Variants in CTNNA2 observed in about 807,000 individuals in gnomAD.
CTNNA2 encodes catenin alpha-2.
Under a neutral mutation model 101.0 loss-of-function variants are expected in CTNNA2, and 42 were observed. That is an observed-to-expected ratio of 0.42 (90% CI 0.32 to 0.54). CTNNA2 has a LOEUF of 0.54. CTNNA2 is among the 20% of genes least tolerant of loss of function. The pLI is 0.14. For missense variants in CTNNA2, 871 were observed against 1,223.1 expected (o/e 0.71, Z 4.29); for synonymous variants, 450 against 456.4 (o/e 0.99, Z 0.18).
chr2:79,840,956 A>G, intron 3 of CTNNA2, among the ~76,000 whole-genome samples: 1 of 152,066 alleles, frequency 6.6e-6, no homozygotes, highest in East Asian at 1.9e-4. Context: ...TTTTTAGTAG[A>G]GACGGGGTTT....
intron 7 of CTNNA2, among the ~76,000 whole-genome samples, chr2:80,341,953 C>G (rs562608873): frequency 6.6e-6 from 1 of 152,290 alleles, no homozygotes; most frequent in African/African-American, 2.4e-5. Flanking sequence ...AGTAGTAATG[C>G]ATGCTACAAC....
intron 9 of CTNNA2, among the ~76,000 whole-genome samples, chr2:80,432,120 C>A (rs1681591141): frequency 6.6e-6 from 1 of 152,012 alleles, no homozygotes. Context: ...CACACTCAAT[C>A]TTTAAATTCT....
rs534383258 is a variant in CTNNA2 at position 80,223,262 on chromosome 2, G to C, written c.1057-169949G>C. Among the ~76,000 whole-genome samples the C allele has an allele frequency of 7.9e-5, 12 of 152,248 alleles. No individual in the cohort carries two copies. The East Asian group carries it at 2.3e-3, about 29-fold the overall frequency. On this transcript the variant is annotated intron_variant, in intron 7 of 18. Transcript: ENST00000402739. Reference sequence around the variant, plus strand: ...AATACTTGTTTTCCAGGAGGCTTTTGGTCAATAAAGCGATAAACGAAAACA... The same window carrying C: ...AATACTTGTTTTCCAGGAGGCTTTTCGTCAATAAAGCGATAAACGAAAACA...
intron 7 of CTNNA2, among the ~76,000 whole-genome samples, chr2:80,097,177 C>G (rs1028228605): frequency 3.3e-5 from 5 of 152,262 alleles, no homozygotes; most frequent in Middle Eastern, 3.4e-3. Flanking sequence ...GTGCTTCCTT[C>G]ATGAGCTCTT....
intron 1 of CTNNA2, among the ~76,000 whole-genome samples, chr2:79,548,881 A>G (rs1478514192): frequency 2.6e-5 from 4 of 152,058 alleles, no homozygotes; most frequent in Non-Finnish European, 4.4e-5. Context: ...AGCCTTCTCC[A>G]TGTCACTCTG....
chr2:79,813,773 A>G (rs1204296597), intron 3 of CTNNA2, among the ~76,000 whole-genome samples: 1 of 152,156 alleles, frequency 6.6e-6, no homozygotes, highest in Non-Finnish European at 1.5e-5. Context: ...TTAAGAAAAA[A>G]GCACACTCTT....
chr2:79,668,544 C>A (rs1292036850), intron 2 of CTNNA2, among the ~76,000 whole-genome samples: 1 of 152,152 alleles, frequency 6.6e-6, no homozygotes. Flanking sequence ...ATAAGAACCA[C>A]CTCCTTGAAT....
At position 79,649,487 on chromosome 2, in the gene CTNNA2, A is replaced by C. The variant is rs116288145; in HGVS notation, c.-5-2065A>C. On this transcript the variant is annotated intron_variant, in intron 1 of 18. Transcript: ENST00000402739. ...GTATCATAAGTACTGGACTAAGATC[A>C]CTTAGGTAGGTCTGGCTTCAGTAGG... 7.7e-3 allele frequency: 1,188 copies of C among 154,892 alleles called. 24 individuals carry two copies. Among genetic ancestry groups the C allele is most frequent in the African/African-American group, 0.026 (1,093 of 41,640 alleles). 9.6% of individuals were successfully genotyped at this position (154,892 alleles called of 1,614,324 possible).
At chr2:80,317,630 C>T (rs1444847016) in intron 7 of CTNNA2, among the ~76,000 whole-genome samples, 1 of 152,172 alleles carries the variant, frequency 6.6e-6, no homozygotes, top group Non-Finnish European at 1.5e-5. Context: ...CTCCTGGATT[C>T]CCACTCCTCT....
chr2:80,372,958 A>G (rs1186083551), intron 7 of CTNNA2, among the ~76,000 whole-genome samples: 1 of 152,216 alleles, frequency 6.6e-6, no homozygotes, highest in African/African-American at 2.4e-5. Context: ...TGCCTAGGGT[A>G]GCCCTCCACA....
chr2:79,872,819 T>C (rs541321000), intron 5 of CTNNA2, among the ~76,000 whole-genome samples: 1 of 151,970 alleles, frequency 6.6e-6, no homozygotes, highest in Non-Finnish European at 1.5e-5. Flanking sequence ...GTGGTTCAAA[T>C]ACGCTTTACT....
At chr2:79,908,769 T>G (rs1685592077) in intron 6 of CTNNA2, among the ~76,000 whole-genome samples, 1 of 152,174 alleles carries the variant, frequency 6.6e-6, no homozygotes, top group African/African-American at 2.4e-5. Context: ...TTCACTAGTT[T>G]ATGTCCAAAT....
chr2:79,799,181 GTTT>G (rs72397142), intron 3 of CTNNA2, among the ~76,000 whole-genome samples: 18,324 of 143,640 alleles, frequency 0.13, 1,654 homozygotes, highest in East Asian at 0.38. Flanking sequence ...CTCAGATCTT[GTTT>G]TTTTTTTTTT....
At chr2:80,096,937 T>C (rs926501979) in intron 7 of CTNNA2, among the ~76,000 whole-genome samples, 4 of 152,188 alleles carry the variant, frequency 2.6e-5, no homozygotes, top group African/African-American at 9.7e-5. Flanking sequence ...TACAGCACAC[T>C]GATGGGTCTT....
At chr2:80,387,071 G>A (rs1278298506) in intron 7 of CTNNA2, among the ~76,000 whole-genome samples, 1 of 152,114 alleles carries the variant, frequency 6.6e-6, no homozygotes, top group Non-Finnish European at 1.5e-5. Flanking sequence ...GGTGGATCAC[G>A]AGGTCAGGAG....
chr2:79,576,161 A>G (rs17017286), intron 1 of CTNNA2, among the ~76,000 whole-genome samples: 17,603 of 152,228 alleles, frequency 0.12, 1,190 homozygotes, highest in African/African-American at 0.18. Flanking sequence ...ACATTTCTAA[A>G]TGATATCCAA....
intron 7 of CTNNA2, among the ~76,000 whole-genome samples, chr2:80,112,324 T>C (rs1010050202): frequency 1.6e-4 from 25 of 152,170 alleles, no homozygotes; most frequent in African/African-American, 6.0e-4. Flanking sequence ...AGAACACAAA[T>C]ACTCTCATTC....
chr2:80,532,959 C>T (rs1690670501), intron 9 of CTNNA2, among the ~76,000 whole-genome samples: 1 of 152,084 alleles, frequency 6.6e-6, no homozygotes, highest in African/African-American at 2.4e-5. Context: ...GGGAGGCTGC[C>T]TTGGAACTAC....
intron 4 of CTNNA2, among the ~76,000 whole-genome samples, chr2:79,488,318 CAAAAAAAAAAAAAAA>C (rs61641596): frequency 0.49 from 50,380 of 101,816 alleles, 10,059 homozygotes; most frequent in African/African-American, 0.62. Flanking sequence ...AACTCCATCT[CAAAAAAAAAAAAAAA>C]AAAAAAAAAA....
Sources: allele counts gnomAD v4.1 joint callset (sites outside exome capture counted in the v4.1 genomes callset), GRCh38; gene constraint gnomAD v4.1.1; transcripts MANE v1.5; gene names NCBI Gene and HGNC (gene_info 2026-07-23, HGNC 2026-07-21).